Variants in GNAI3 observed in about 807,000 individuals in gnomAD.
GNAI3 encodes guanine nucleotide-binding protein G(i) subunit alpha-3.
In GNAI3, 12 loss-of-function variants were observed where a neutral mutation model predicts 41.8. The observed-to-expected ratio is 0.29, with a 90% CI of 0.18 to 0.47. The LOEUF (loss-of-function observed/expected upper bound fraction) is 0.47. Among genes scored for constraint, GNAI3 ranks in the 20% least tolerant of loss-of-function variants. The pLI is 1.00. For missense variants in GNAI3, 360 were observed against 429.6 expected, an observed-to-expected ratio of 0.84 and a Z score of 1.43; for synonymous variants, 132 against 146.5, an observed-to-expected ratio of 0.90 and a Z score of 0.71.
Position 109,597,533 on chromosome 1 carries a change from A to C in GNAI3, c.*5211A>C. The C allele has an allele frequency of 6.6e-6, 1 of 151,978 alleles. No homozygotes were observed. The highest frequency in any genetic ancestry group is 1.9e-4 in the East Asian group (1 of 5,194). The allele number at this position is 151,978 out of a possible 1,614,324, so 9.4% of individuals were successfully genotyped here. A position where few individuals can be genotyped will look rare whatever the true frequency, so the allele number is the denominator to read the frequency against. ...TCAGTGCACAAATAAGCTCAAAATC[A>C]CTAGTGAGTGATCTATTTTTTGCCA... On this transcript the variant is annotated 3_prime_UTR_variant, in exon 9 of 9. Transcript: ENST00000369851.
chr1:109,590,247 G>A (rs910786153), intron 7 of GNAI3, among the ~76,000 whole-genome samples: 4 of 152,190 alleles, frequency 2.6e-5, no homozygotes, highest in Admixed American at 6.5e-5. Context: ...GGGGGAGAGA[G>A]ATGTAAGACA....
chr1:109,565,355 G>A (rs1185725308), intron 1 of GNAI3, among the ~76,000 whole-genome samples: 3 of 152,188 alleles, frequency 2.0e-5, no homozygotes, highest in African/African-American at 7.2e-5. Flanking sequence ...GATAGAATGA[G>A]ATGATGAGTG....
intron 4 of GNAI3, 148 bp downstream of exon 4, chr1:109,579,509 A>G (rs1471496893): frequency 1.9e-6 from 1 of 526,084 alleles, no homozygotes; most frequent in East Asian, 3.2e-5. Flanking sequence ...GTTTAGGATT[A>G]TAGAGCCCTT....
Position 109,592,031 on chromosome 1 carries a change from T to G in GNAI3, c.875-12T>G. The G allele has an allele frequency of 6.3e-7, 1 of 1,575,714 alleles. No homozygotes were observed. The highest frequency in any genetic ancestry group is 1.1e-5 in the South Asian group (1 of 89,158). On this transcript the variant is annotated splice_polypyrimidine_tract_variant and intron_variant, in intron 7 of 8. Coordinates refer to ENST00000369851, the MANE Select transcript of GNAI3 (RefSeq NM_006496.4). ...TACAATTTGAACTGAGAGTACTGGG[T>G]GTCCGTTTTAGGTTCCAATACATAT...
At chr1:109,552,666 A>AT (rs1173447175) in intron 1 of GNAI3, among the ~76,000 whole-genome samples, 1 of 151,638 alleles carries the variant, frequency 6.6e-6, no homozygotes, top group Non-Finnish European at 1.5e-5. Flanking sequence ...AATACTTTGT[A>AT]TTTTTTTCAT....
chr1:109,591,522 CCAG>C, intron 7 of GNAI3: 1 of 912,360 alleles, frequency 1.1e-6, no homozygotes, highest in East Asian at 2.5e-5. Context: ...ATGATCCGAC[CCAG>C]TTGTTTTAAA....
intron 1 of GNAI3, among the ~76,000 whole-genome samples, chr1:109,566,154 A>T (rs1648447834): frequency 6.6e-6 from 1 of 152,214 alleles, no homozygotes; most frequent in Non-Finnish European, 1.5e-5. Context: ...ATAACTGTTC[A>T]GAAAGAATGA....
chr1:109,573,837 C>T (rs992460536), intron 2 of GNAI3, 58 bp downstream of exon 2: 2 of 1,592,342 alleles, frequency 1.3e-6, no homozygotes, highest in African/African-American at 2.7e-5. Context: ...ATATAAAGTC[C>T]ATAGTATCTT....
At chr1:109,568,721 G>T (rs1648519635) in intron 1 of GNAI3, among the ~76,000 whole-genome samples, 3 of 152,152 alleles carry the variant, frequency 2.0e-5, no homozygotes, top group Admixed American at 2.0e-4. Context: ...GTCTTGCTCT[G>T]TGCCCAGGTT....
In GNAI3 at chr1:109,593,560, C is replaced by G. The variant is rs977560324; in HGVS notation, c.*1238C>G. ...TAGTCTTTTCTGGAAATACTGTCTT[C>G]TGTTTCCTTTTGCCTTTGCAGAATG... On this transcript the variant is annotated 3_prime_UTR_variant, in exon 9 of 9. Transcript: ENST00000369851. 1.3e-5 allele frequency: 2 copies of G among 152,672 alleles called. No individual in the cohort carries two copies. The highest frequency in any genetic ancestry group is 4.8e-5 in the African/African-American group (2 of 41,468). 9.5% of individuals were successfully genotyped at this position (152,672 alleles called of 1,614,324 possible).
intron 4 of GNAI3, 82 bp downstream of exon 4, chr1:109,579,443 G>A: frequency 1.1e-6 from 1 of 925,892 alleles, no homozygotes; most frequent in Non-Finnish European, 1.7e-6. Context: ...TTAAGGAAAT[G>A]TTTAAGTAAT....
chr1:109,584,477 T>C (rs572490666), intron 5 of GNAI3, among the ~76,000 whole-genome samples: 2 of 152,378 alleles, frequency 1.3e-5, no homozygotes, highest in African/African-American at 4.8e-5. Context: ...AATCAGTCTT[T>C]AGTTAGGCAA....
chr1:109,554,309 G>C lies in GNAI3; in HGVS notation c.118+5471G>C, dbSNP rs148755100. Among the ~76,000 whole-genome samples, 85 of 152,250 alleles carry C rather than the reference G, an allele frequency of 5.6e-4. No homozygotes were observed. The East Asian group carries it at 0.016, about 29-fold the overall frequency. On this transcript the variant is annotated intron_variant, in intron 1 of 8. Transcript: ENST00000369851. ...TAGTTCTTTAAGGAACCTACACACT[G>C]TTTCCCATAGTGGTTGTACTAGTTT...
At chr1:109,579,440 A>G (rs975881361) in intron 4 of GNAI3, 79 bp downstream of exon 4, 9 of 959,530 alleles carry the variant, frequency 9.4e-6, no homozygotes, top group Non-Finnish European at 1.4e-5. Flanking sequence ...CACTTAAGGA[A>G]ATGTTTAAGT....
intron 1 of GNAI3, among the ~76,000 whole-genome samples, chr1:109,564,114 G>T (rs1309187142): frequency 6.6e-6 from 1 of 151,618 alleles, no homozygotes; most frequent in Non-Finnish European, 1.5e-5. Context: ...GGGTTGATAG[G>T]TTATTGTTAG....
At chr1:109,577,278 G>GTTTT (rs10690094) in intron 3 of GNAI3, among the ~76,000 whole-genome samples, 1 of 125,364 alleles carries the variant, frequency 8.0e-6, no homozygotes, top group Non-Finnish European at 1.7e-5. Flanking sequence ...TGTTTTTTTT[G>GTTTT]TTTTTTTTTT....
rs1649389463 is a variant in GNAI3 at position 109,599,273 on chromosome 1, A to G, written c.*6951A>G. 1 of 195,530 alleles carries G rather than the reference A, an allele frequency of 5.1e-6. No individual in the cohort carries two copies. Among genetic ancestry groups the G allele is most frequent in the Non-Finnish European group, 1.1e-5 (1 of 91,646 alleles). 12.1% of individuals were successfully genotyped at this position (195,530 alleles called of 1,614,324 possible). A position where few individuals can be genotyped will look rare whatever the true frequency, so the allele number is the denominator to read the frequency against. ...ATATATAACAAAATTTGCCATCTTA[A>G]GTGTACAGTTCAGTGGCATTAAGTA... On this transcript the variant is annotated 3_prime_UTR_variant, in exon 9 of 9. Transcript: ENST00000369851.
At chr1:109,568,603 T>G (rs1204841358) in intron 1 of GNAI3, among the ~76,000 whole-genome samples, 1 of 152,154 alleles carries the variant, frequency 6.6e-6, no homozygotes, top group African/African-American at 2.4e-5. Context: ...GATTCTACAT[T>G]AGAGTACATA....
chr1:109,589,432 A>T (rs891625490), intron 7 of GNAI3, among the ~76,000 whole-genome samples: 1 of 152,206 alleles, frequency 6.6e-6, no homozygotes, highest in Non-Finnish European at 1.5e-5. Context: ...TGAAGAAAGA[A>T]GACAAGTGTA....
Sources: gnomAD v4.1 joint callset for allele counts (sites outside exome capture counted in the v4.1 genomes callset) on GRCh38, gnomAD v4.1.1 for gene constraint, MANE v1.5 for transcripts, NCBI Gene and HGNC (gene_info 2026-07-23, HGNC 2026-07-21) for gene names.